The following AOAH variants were observed in gnomAD, a reference collection of about 807,000 sequenced individuals.
AOAH encodes acyloxyacyl hydrolase (neutrophil).
A neutral mutation model predicts 92.2 loss-of-function variants in AOAH; 64 were observed. The ratio of observed to expected loss-of-function variants is 0.69; its 90% CI spans 0.57 to 0.86. The LOEUF (loss-of-function observed/expected upper bound fraction) is 0.86, where lower values mean the gene tolerates loss of function less well. AOAH is among the 40% of genes least tolerant of loss of function. The pLI is 0.00. For missense variants in AOAH, 656 were observed against 694.6 expected, an observed-to-expected ratio of 0.94 and a Z score of 0.62; for synonymous variants, 263 against 254.5, an observed-to-expected ratio of 1.03 and a Z score of -0.32.
chr7:36,607,920 A>T (rs1352220209), intron 11 of AOAH, among the ~76,000 whole-genome samples: 1 of 152,170 alleles, frequency 6.6e-6, no homozygotes, highest in African/African-American at 2.4e-5. Context: ...GGAACAGGTG[A>T]CTGAACTTGC....
At chr7:36,597,491 CAAGATATGT>C (rs1271804308) in intron 11 of AOAH, among the ~76,000 whole-genome samples, 1 of 152,162 alleles carries the variant, frequency 6.6e-6, no homozygotes, top group Non-Finnish European at 1.5e-5. Flanking sequence ...ATGAAACTCA[CAAGATATGT>C]TTAGCAGAGA....
At chr7:36,555,415 A>G (rs11767665) in intron 13 of AOAH, among the ~76,000 whole-genome samples, 21,429 of 152,114 alleles carry the variant, frequency 0.14, 1,628 homozygotes, top group African/African-American at 0.19. Context: ...TTTTGCATCA[A>G]TGTTCATCAA....
intron 13 of AOAH, among the ~76,000 whole-genome samples, chr7:36,557,401 T>G (rs1786826959): frequency 6.6e-6 from 1 of 152,246 alleles, no homozygotes; most frequent in Non-Finnish European, 1.5e-5. Context: ...GACCTTTCTC[T>G]CTGGCTGCCC....
chr7:36,580,658 G>A (rs930075749), intron 12 of AOAH, among the ~76,000 whole-genome samples: 2 of 152,100 alleles, frequency 1.3e-5, no homozygotes, highest in African/African-American at 4.8e-5. Context: ...TGGGTTATAG[G>A]CTTATTTTTA....
At chr7:36,722,709 C>T (rs571021124) in intron 1 of AOAH, among the ~76,000 whole-genome samples, 8 of 149,428 alleles carry the variant, frequency 5.4e-5, no homozygotes, top group Admixed American at 2.0e-4. Flanking sequence ...CCAAGGGGGG[C>T]GGATCACGAG....
chr7:36,720,419 C>T (rs1272242839), intron 1 of AOAH, among the ~76,000 whole-genome samples: 1 of 152,054 alleles, frequency 6.6e-6, no homozygotes, highest in Non-Finnish European at 1.5e-5. Flanking sequence ...GATCTGCCCA[C>T]CTCAGCATCC....
chr7:36,535,263 T>C (rs1784983602), intron 16 of AOAH, among the ~76,000 whole-genome samples: 1 of 152,146 alleles, frequency 6.6e-6, no homozygotes, highest in African/African-American at 2.4e-5. Flanking sequence ...AGGTGTGTTC[T>C]TCCCTAGCTG....
At chr7:36,626,208 T>C (rs1046566856) in intron 6 of AOAH, among the ~76,000 whole-genome samples, 2 of 151,740 alleles carry the variant, frequency 1.3e-5, no homozygotes, top group African/African-American at 2.4e-5. Context: ...GAGACAGAAA[T>C]GACGTAGACC....
intron 19 of AOAH, among the ~76,000 whole-genome samples, chr7:36,522,699 C>T (rs1385373084): frequency 6.6e-6 from 1 of 152,146 alleles, no homozygotes; most frequent in Non-Finnish European, 1.5e-5. Flanking sequence ...ATGTCAGTTG[C>T]TCCAAGGCAA....
intron 18 of AOAH, among the ~76,000 whole-genome samples, chr7:36,530,961 T>C (rs928091635): frequency 6.6e-6 from 1 of 151,534 alleles, no homozygotes; most frequent in African/African-American, 2.4e-5. Flanking sequence ...GACTTACACC[T>C]TTAGATATAC....
intron 12 of AOAH, among the ~76,000 whole-genome samples, chr7:36,581,854 G>A (rs1370647745): frequency 6.6e-6 from 1 of 152,122 alleles, no homozygotes; most frequent in Non-Finnish European, 1.5e-5. Flanking sequence ...GCACTAGAAA[G>A]TATTTCACAT....
intron 15 of AOAH, among the ~76,000 whole-genome samples, chr7:36,542,799 T>A (rs549885217): frequency 1.9e-4 from 29 of 152,332 alleles, no homozygotes; most frequent in Admixed American, 3.3e-4. Context: ...CCATTAGGAA[T>A]ATAATAACTA....
chr7:36,639,773 ATC>A (rs973775165), intron 4 of AOAH, among the ~76,000 whole-genome samples: 4 of 152,196 alleles, frequency 2.6e-5, no homozygotes, highest in African/African-American at 9.7e-5. Flanking sequence ...GGCCCTGGGG[ATC>A]TGGTGGTGAA....
At chr7:36,549,315 G>C in intron 14 of AOAH, 124 bp downstream of exon 14, 1 of 737,350 alleles carries the variant, frequency 1.4e-6, no homozygotes, top group Non-Finnish European at 2.3e-6. Context: ...ATATCCTTGA[G>C]TTTGGATAGT....
At chr7:36,654,201 A>T (rs1794746778) in intron 4 of AOAH, among the ~76,000 whole-genome samples, 1 of 151,920 alleles carries the variant, frequency 6.6e-6, no homozygotes. Flanking sequence ...GTAAAAATAA[A>T]CTCCCAAGAT....
intron 4 of AOAH, among the ~76,000 whole-genome samples, chr7:36,642,299 C>G (rs775512297): frequency 1.3e-5 from 2 of 151,998 alleles, no homozygotes; most frequent in Non-Finnish European, 1.5e-5. Flanking sequence ...TCCTTATAAA[C>G]AGAACACTGT....
intron 11 of AOAH, among the ~76,000 whole-genome samples, chr7:36,595,707 T>G (rs980001182): frequency 6.6e-6 from 1 of 152,216 alleles, no homozygotes; most frequent in African/African-American, 2.4e-5. Context: ...CTGAGTATCT[T>G]GTATTTTATC....
In AOAH at chr7:36,513,056, T is replaced by C. The variant is rs761763959; in HGVS notation, c.*196A>G. ...GTTATTTCAGGAACAGCGGAAGGGT[T>C]ACTGATCCCGGGAGCACACAGCATT... On this transcript the variant is annotated 3_prime_UTR_variant, in exon 21 of 21. Coordinates refer to ENST00000617537, the MANE Select transcript of AOAH (RefSeq NM_001637.4). 4.5e-6 allele frequency: 7 copies of C among 1,544,394 alleles called. No individual in the cohort carries two copies. In the South Asian group the frequency reaches 8.2e-5, roughly 18 times the overall value.
intron 19 of AOAH, among the ~76,000 whole-genome samples, chr7:36,522,498 G>T (rs1044724784): frequency 2.0e-5 from 3 of 152,204 alleles, no homozygotes; most frequent in African/African-American, 7.2e-5. Flanking sequence ...TTCATGGGTT[G>T]CCATTTGCAG....
Sources: allele counts gnomAD v4.1 joint callset (sites outside exome capture counted in the v4.1 genomes callset), GRCh38; gene constraint gnomAD v4.1.1; transcripts MANE v1.5; gene names NCBI Gene and HGNC (gene_info 2026-07-23, HGNC 2026-07-21).